The following NIPA1 variants were observed in gnomAD, a reference collection of about 807,000 sequenced individuals.
NIPA1 encodes NIPA magnesium transporter 1, also known as magnesium transporter NIPA1.
A neutral mutation model predicts 23.9 loss-of-function variants in NIPA1; 13 were observed. The observed-to-expected ratio is 0.54, with a 90% CI of 0.35 to 0.87. The LOEUF is 0.87. Ranked by LOEUF, NIPA1 falls within the 40% of genes least tolerant of loss-of-function variation. NIPA1 has a pLI of 0.01. For synonymous variants in NIPA1, 234 were observed against 202.9 expected (o/e 1.15, Z -1.30); for missense variants, 362 against 429.7 (o/e 0.84, Z 1.39).
chr15:22,794,013 T>A (rs1566776662), intron 1 of NIPA1, among the ~76,000 whole-genome samples: 1 of 152,156 alleles, frequency 6.6e-6, no homozygotes, highest in African/African-American at 2.4e-5. Flanking sequence ...GCCTTCAGCA[T>A]TGTTCTTTTT....
chr15:22,796,610 A>C (rs1038001021), intron 1 of NIPA1, among the ~76,000 whole-genome samples: 1 of 152,060 alleles, frequency 6.6e-6, no homozygotes, highest in Non-Finnish European at 1.5e-5. Context: ...AGCTATTTTC[A>C]GTTCTTTAAT....
intron 1 of NIPA1, 133 bp downstream of exon 1, chr15:22,786,967 T>G: frequency 8.7e-6 from 4 of 457,634 alleles, no homozygotes; most frequent in Non-Finnish European, 1.2e-5. Context: ...GGGGGAAGGC[T>G]GCGCGGGCGG....
At chr15:22,810,383 C>T (rs558238734) in intron 1 of NIPA1, among the ~76,000 whole-genome samples, 8 of 152,300 alleles carry the variant, frequency 5.3e-5, no homozygotes, top group Admixed American at 2.6e-4. Flanking sequence ...AAATGGACTA[C>T]AGTAAATGCA....
chr15:22,797,900 C>T (rs1444948075), intron 1 of NIPA1, among the ~76,000 whole-genome samples: 9 of 148,740 alleles, frequency 6.1e-5, no homozygotes, highest in Admixed American at 2.0e-4. Context: ...GCTGGAGTGC[C>T]GTGGCACAAT....
chr15:22,793,448 TTTA>T (rs1275369908), intron 1 of NIPA1, among the ~76,000 whole-genome samples: 1 of 152,006 alleles, frequency 6.6e-6, no homozygotes, highest in African/African-American at 2.4e-5. Flanking sequence ...CTTCTTTTTT[TTTA>T]TTTTTTTGAG....
chr15:22,803,464 T>C (rs1039214270), intron 1 of NIPA1, among the ~76,000 whole-genome samples: 2 of 151,472 alleles, frequency 1.3e-5, no homozygotes, highest in Non-Finnish European at 2.9e-5. Context: ...ATTGGAAATA[T>C]TTTCTCTGTG....
At position 22,824,608 on chromosome 15, in the gene NIPA1, A is replaced by G. The variant is rs1454669923; in HGVS notation, c.*369A>G. The G allele has an allele frequency of 1.4e-5, 4 of 288,898 alleles. No homozygotes were observed. The highest frequency in any genetic ancestry group is 2.7e-5 in the Non-Finnish European group (4 of 149,902). 17.9% of individuals were successfully genotyped at this position (288,898 alleles called of 1,614,324 possible). A position where few individuals can be genotyped will look rare whatever the true frequency, so the allele number is the denominator to read the frequency against. ...GTTACATGATAGCAGAGATATTTTT[A>G]CTTAGATTACTTTGGGAATGAGAGA... On this transcript the variant is annotated 3_prime_UTR_variant, in exon 5 of 5. Coordinates refer to ENST00000337435, the MANE Select transcript of NIPA1 (RefSeq NM_144599.5). The surrounding 1 kb of genome is among the most constrained non-coding windows in gnomAD (Gnocchi z 4.1).
chr15:22,801,706 G>A (rs1057439540), intron 1 of NIPA1, among the ~76,000 whole-genome samples: 1 of 151,786 alleles, frequency 6.6e-6, no homozygotes, highest in South Asian at 2.1e-4. Flanking sequence ...TAGTAGAGAC[G>A]GGGTTTCACC....
rs1894909846 is a variant in NIPA1 at position 22,794,891 on chromosome 15, G to A, written c.178+8057G>A. 2.6e-5 allele frequency among the ~76,000 whole-genome samples: 4 copies of A among 152,024 alleles called. No individual in the cohort carries two copies. In the South Asian group the frequency reaches 8.3e-4, roughly 32 times the overall value. On this transcript the variant is annotated intron_variant, in intron 1 of 4. Coordinates refer to ENST00000337435, the MANE Select transcript of NIPA1 (RefSeq NM_144599.5). ...TCCTCAGCACCCCCGGCCCTCTCCT[G>A]TCCCCTGACCCTGAGGGATGATGGC...
intron 1 of NIPA1, among the ~76,000 whole-genome samples, chr15:22,809,168 C>T (rs1895271446): frequency 6.6e-6 from 1 of 151,948 alleles, no homozygotes; most frequent in African/African-American, 2.4e-5. Flanking sequence ...GGGTGGATCA[C>T]TTGGAGCCAG....
chr15:22,799,629 A>T (rs530461936), intron 1 of NIPA1, among the ~76,000 whole-genome samples: 1 of 152,066 alleles, frequency 6.6e-6, no homozygotes, highest in South Asian at 2.1e-4. Context: ...AAAAATACAA[A>T]AAATTAGCCA....
chr15:22,798,564 A>C lies in NIPA1; in HGVS notation c.178+11730A>C, dbSNP rs562659058. On this transcript the variant is annotated intron_variant, in intron 1 of 4. Coordinates refer to ENST00000337435, the MANE Select transcript of NIPA1 (RefSeq NM_144599.5). ...TATCCTAAAAATCTTAAAAAAAAAA[A>C]CCGGCAGGGTGCACTGGCTCATGTC... 7.1e-3 allele frequency among the ~76,000 whole-genome samples: 1,031 copies of C among 145,026 alleles called. 15 individuals carry two copies. The highest frequency in any genetic ancestry group is 0.025 in the African/African-American group (982 of 39,606).
At chr15:22,820,137 T>A (rs917571784) in intron 3 of NIPA1, among the ~76,000 whole-genome samples, 176 bp from the exon 4 acceptor site, 3 of 151,912 alleles carry the variant, frequency 2.0e-5, no homozygotes, top group South Asian at 2.1e-4. Flanking sequence ...TTCAAGCTTG[T>A]GGTGAGCTGT....
chr15:22,786,691 C>T lies in NIPA1; in HGVS notation c.35C>T (p.Ala12Val), dbSNP rs1263795707. The T allele has an allele frequency of 1.8e-6, 2 of 1,110,510 alleles. No homozygotes were observed. Among genetic ancestry groups the T allele is most frequent in the Non-Finnish European group, 2.2e-6 (2 of 912,164 alleles). The allele number at this position is 1,110,510 out of a possible 1,614,324, so 68.8% of individuals were successfully genotyped here. ...GTAAAAAAAA[A>V]AAAAGEGARS... ...GCAGCTGCGGCAGCGGCGGCGGCGG[C>T]GGCGGCGGCGGCCGGGGAGGGGGCG... The change falls in exon 1 of 5, where the codon GCG (alanine) becomes GTG (valine). Residue 12 changes from alanine to valine, a missense_variant. Physicochemically the swap from Ala to Val is moderately conservative, Grantham distance 64. Around this residue, in one of 2 missense-constraint regions of NIPA1, gnomAD observed 85 missense variants for 57.7 expected, o/e 1.47. Coordinates refer to ENST00000337435, the MANE Select transcript of NIPA1 (RefSeq NM_144599.5).
chr15:22,818,802 A>G (rs1245554482), intron 3 of NIPA1, among the ~76,000 whole-genome samples: 1 of 152,156 alleles, frequency 6.6e-6, no homozygotes, highest in Non-Finnish European at 1.5e-5. Context: ...GTCTCAATAA[A>G]TGAATGAATG....
At chr15:22,823,314 A>T (rs1329601564) in intron 4 of NIPA1, among the ~76,000 whole-genome samples, 1 of 151,440 alleles carries the variant, frequency 6.6e-6, no homozygotes, top group Non-Finnish European at 1.5e-5. Context: ...CCCTAGGTTC[A>T]AGTGATTCTC....
intron 3 of NIPA1, chr15:22,813,727 A>T (rs550837217): frequency 4.4e-6 from 2 of 452,160 alleles, no homozygotes; most frequent in East Asian, 1.4e-4. Flanking sequence ...TCTGTGACCT[A>T]AATACCATGT....
intron 1 of NIPA1, among the ~76,000 whole-genome samples, chr15:22,793,441 C>CT (rs995361507): frequency 8.7e-4 from 128 of 146,564 alleles, no homozygotes; most frequent in African/African-American, 2.9e-3. Context: ...ATTAGAGCTT[C>CT]TTTTTTTTTA....
chr15:22,796,604 A>G (rs1894942824), intron 1 of NIPA1, among the ~76,000 whole-genome samples: 1 of 151,908 alleles, frequency 6.6e-6, no homozygotes, highest in African/African-American at 2.4e-5. Flanking sequence ...ACACCCAGCT[A>G]TTTTCAGTTC....
Sources: gnomAD v4.1 joint callset for allele counts (sites outside exome capture counted in the v4.1 genomes callset) on GRCh38, gnomAD v4.1.1 for gene constraint, gnomAD v4.1.1 regional missense constraint, Gnocchi (gnomAD v3.1) non-coding constraint, MANE v1.5 for transcripts, NCBI Gene and HGNC (gene_info 2026-07-23, HGNC 2026-07-21) for gene names.